The following ADAMTSL2 variants were observed in gnomAD, a reference collection of about 807,000 sequenced individuals.
ADAMTSL2 encodes ADAMTS-like protein 2.
ADAMTSL2 carries 55 observed loss-of-function variants against 117.0 expected under a neutral mutation model. The ratio of observed to expected loss-of-function variants is 0.47; its 90% CI spans 0.38 to 0.59. ADAMTSL2 has a LOEUF of 0.59. Among genes scored for constraint, ADAMTSL2 ranks in the 20% least tolerant of loss-of-function variants. The pLI, the probability that ADAMTSL2 is intolerant of heterozygous loss-of-function variation, is 0.00. For missense variants in ADAMTSL2, 1,182 were observed against 1,354.5 expected, an observed-to-expected ratio of 0.87 and a Z score of 2.00; for synonymous variants, 572 against 566.4, an observed-to-expected ratio of 1.01 and a Z score of -0.14.
chr9:133,536,927 T>G, intron 2 of ADAMTSL2, 125 bp downstream of exon 2: 1 of 1,475,206 alleles, frequency 6.8e-7, no homozygotes, highest in Non-Finnish European at 9.1e-7. Flanking sequence ...GAACCCATCT[T>G]GGCTCCTAGA....
At chr9:133,568,133 G>C in intron 13 of ADAMTSL2, 140 bp from the exon 14 acceptor site, 2 of 895,630 alleles carry the variant, frequency 2.2e-6, no homozygotes, top group African/African-American at 1.6e-5. Flanking sequence ...ACACCCTCCT[G>C]TCTGGCTTAG....
intron 12 of ADAMTSL2, among the ~76,000 whole-genome samples, chr9:133,563,900 A>AG (rs1564508695): frequency 5.6e-4 from 1 of 1,770 alleles, no homozygotes; most frequent in Non-Finnish European, 1.3e-3. Flanking sequence ...AGAGAGAGAG[A>AG]AGGGGAGAGA....
intron 7 of ADAMTSL2, among the ~76,000 whole-genome samples, chr9:133,542,373 C>T (rs1830245731): frequency 6.6e-6 from 1 of 152,210 alleles, no homozygotes; most frequent in Non-Finnish European, 1.5e-5. Flanking sequence ...CTTCCTCTCA[C>T]AAACCTGCTC....
chr9:133,548,571 G>A (rs1334960434), intron 9 of ADAMTSL2, among the ~76,000 whole-genome samples: 1 of 151,882 alleles, frequency 6.6e-6, no homozygotes, highest in Non-Finnish European at 1.5e-5. Flanking sequence ...AGGAGGGCAC[G>A]GGACTAGACA....
chr9:133,534,622 G>T, upstream of ADAMTSL2: 1 of 1,280,046 alleles, frequency 7.8e-7, no homozygotes, highest in Non-Finnish European at 1.0e-6. Flanking sequence ...GGCGCGGGCG[G>T]GGGAGCGGCC....
chr9:133,562,101 T>G (rs1830742772), intron 12 of ADAMTSL2, among the ~76,000 whole-genome samples: 1 of 152,234 alleles, frequency 6.6e-6, no homozygotes, highest in African/African-American at 2.4e-5. Context: ...GGTTTGATGC[T>G]CCTGGTCCCG....
At chr9:133,545,499 G>A (rs564135729) in intron 8 of ADAMTSL2, among the ~76,000 whole-genome samples, 11 of 152,328 alleles carry the variant, frequency 7.2e-5, no homozygotes, top group South Asian at 2.1e-4. Context: ...CCAGCCCTCC[G>A]TATGTGCCCT....
Position 133,573,985 on chromosome 9 carries a change from C to T in ADAMTSL2, c.2735C>T (p.Pro912Leu), listed in dbSNP as rs1449330330. The T allele has an allele frequency of 3.1e-6, 5 of 1,612,612 alleles. No homozygotes were observed. The highest frequency in any genetic ancestry group is 4.2e-6 in the Non-Finnish European group (5 of 1,179,650). ...CTGCAGCCCTGCCCCACGGAGCCCC[C>T]AGGTGAGGCGCGGGGAGGCCGAGGG... is the stretch of plus-strand genomic sequence containing the variant. The part of the protein sequence containing the change: ...CDLQPCPTEP[P>L]DDSCQDQPGT... The change falls in exon 18 of 19, where the codon CCA becomes CTA. Residue 912 changes from proline to leucine, a missense_variant and splice_region_variant. By Grantham distance (98) the Pro-to-Leu change is moderately conservative. This residue lies in a region of ADAMTSL2 where 465 missense variants were observed against 565.3 expected (regional missense o/e 0.82). Coordinates refer to ENST00000651351, the MANE Select transcript of ADAMTSL2 (RefSeq NM_014694.4).
At chr9:133,555,071 C>A (rs2131139846) in intron 10 of ADAMTSL2, among the ~76,000 whole-genome samples, 1 of 152,206 alleles carries the variant, frequency 6.6e-6, no homozygotes, top group South Asian at 2.1e-4. Flanking sequence ...TCGGACAGCA[C>A]AGGGAGCAAA....
Position 133,540,368 on chromosome 9 carries a change from G to A in ADAMTSL2, c.413-230G>A, listed in dbSNP as rs905644043. Among the ~76,000 whole-genome samples the A allele has an allele frequency of 1.2e-4, 19 of 152,334 alleles. 1 individual carries two copies. The highest frequency in any genetic ancestry group is 1.7e-4 in the African/African-American group (7 of 41,570). ...GGGAACCCCAGTATGGGTCTCAGGCGCTGCTCCCCACTCACGAGGAGGTAG... is the reference window on the plus strand; with the variant it reads ...GGGAACCCCAGTATGGGTCTCAGGCACTGCTCCCCACTCACGAGGAGGTAG... On this transcript the variant is annotated intron_variant, in intron 5 of 18. Transcript: ENST00000651351.
chr9:133,548,527 T>C (rs879599434), intron 9 of ADAMTSL2, among the ~76,000 whole-genome samples: 3 of 150,188 alleles, frequency 2.0e-5, no homozygotes, highest in Non-Finnish European at 4.4e-5. Flanking sequence ...TGGGGGGCAG[T>C]GTCAGGAGCG....
chr9:133,552,767 G>T (rs1161830732), intron 9 of ADAMTSL2, among the ~76,000 whole-genome samples: 9 of 152,134 alleles, frequency 5.9e-5, no homozygotes, highest in African/African-American at 2.2e-4. Flanking sequence ...TCTTGTTATT[G>T]TGGGGGCTGA....
At chr9:133,556,913 T>G (rs1830615853) in intron 11 of ADAMTSL2, among the ~76,000 whole-genome samples, 1 of 152,176 alleles carries the variant, frequency 6.6e-6, no homozygotes, top group South Asian at 2.1e-4. Flanking sequence ...TCCCCACAGT[T>G]TCTCCCAGCA....
chr9:133,545,749 C>T (rs981571675), intron 8 of ADAMTSL2, among the ~76,000 whole-genome samples: 8 of 152,160 alleles, frequency 5.3e-5, no homozygotes, highest in South Asian at 2.1e-4. Flanking sequence ...GCTCGGAGCA[C>T]TGGGAAAGCC....
In ADAMTSL2 at chr9:133,534,840, A is replaced by C; in HGVS notation, c.-228A>C. ...CTGCACTCACGCCGCCCCCGCACGC[A>C]CAGCGCACCTGGCGCCGTCTGCCCT... On this transcript the variant is annotated 5_prime_UTR_variant, in exon 1 of 19. Transcript: ENST00000651351. The C allele has an allele frequency of 6.7e-7, 1 of 1,499,870 alleles. No individual in the cohort carries two copies. Among genetic ancestry groups the C allele is most frequent in the Non-Finnish European group, 8.9e-7 (1 of 1,120,520 alleles). The allele number at this position is 1,499,870 out of a possible 1,614,324, so 92.9% of individuals were successfully genotyped here. A position where few individuals can be genotyped will look rare whatever the true frequency, so the allele number is the denominator to read the frequency against.
upstream of ADAMTSL2, chr9:133,534,510 C>T (rs569292040): frequency 1.4e-3 from 687 of 508,090 alleles, 8 homozygotes; most frequent in African/African-American, 0.012. Flanking sequence ...CCCTGCTCGC[C>T]GCTCCTGGGC....
chr9:133,541,742 T>C (rs1462390594), intron 7 of ADAMTSL2, among the ~76,000 whole-genome samples: 2 of 152,188 alleles, frequency 1.3e-5, no homozygotes, highest in Non-Finnish European at 2.9e-5. Context: ...CTCCTTCCCT[T>C]GGGCAGCACC....
At chr9:133,534,596 G>A, upstream of ADAMTSL2, 1 of 1,229,050 alleles carries the variant, frequency 8.1e-7, no homozygotes, top group African/African-American at 1.6e-5. Context: ...GGGTTAAAGT[G>A]TGCGCCAGGC....
intron 7 of ADAMTSL2, among the ~76,000 whole-genome samples, chr9:133,542,517 G>A (rs1042937040): frequency 1.3e-4 from 20 of 152,208 alleles, no homozygotes; most frequent in African/African-American, 4.1e-4. Flanking sequence ...TCATGTCCTC[G>A]TGGAACTCAG....
Sources: allele counts gnomAD v4.1 joint callset (sites outside exome capture counted in the v4.1 genomes callset), GRCh38; gene constraint gnomAD v4.1.1; regional missense constraint gnomAD v4.1.1; transcripts MANE v1.5; gene names NCBI Gene and HGNC (gene_info 2026-07-23, HGNC 2026-07-21).